NXPH1: variants seen among roughly 807,000 people sequenced by gnomAD.
NXPH1 encodes the protein neurexophilin 1.
NXPH1 carries 5 observed loss-of-function variants against 23.7 expected under a neutral mutation model. The ratio of observed to expected loss-of-function variants is 0.21; its 90% CI spans 0.11 to 0.44. The LOEUF (loss-of-function observed/expected upper bound fraction) is 0.44. NXPH1 is among the 20% of genes least tolerant of loss of function. The probability of loss-of-function intolerance (pLI) is 0.99; values close to 1 mark genes in which losing one functional copy is unlikely to be tolerated. For missense variants in NXPH1, 324 were observed against 321.6 expected (o/e 1.01, Z -0.06); for synonymous variants, 144 against 122.2 (o/e 1.18, Z -1.18).
intron 2 of NXPH1, among the ~76,000 whole-genome samples, chr7:8,665,406 G>A (rs1341609211): frequency 6.6e-6 from 1 of 151,834 alleles, no homozygotes; most frequent in African/African-American, 2.4e-5. Context: ...ATACCATGCT[G>A]TTTTAATATA....
chr7:8,435,111 T>C lies in NXPH1; in HGVS notation c.-111+356T>C. On this transcript the variant is annotated intron_variant, in intron 1 of 2. Coordinates refer to ENST00000405863, the MANE Select transcript of NXPH1 (RefSeq NM_152745.3). This position sits in a 1 kb window ranked among gnomAD's most constrained non-coding sequence, Gnocchi z 5.9. ...CCTAGCACCTAATCGCGGTCAGTTC[T>C]ACCTACCTCTTCCTCTCACCGCGCC... 6.3e-6 allele frequency: 1 copy of C among 158,652 alleles called. No individual in the cohort carries two copies. The highest frequency in any genetic ancestry group is 1.4e-5 in the Non-Finnish European group (1 of 72,344). 9.8% of individuals were successfully genotyped at this position (158,652 alleles called of 1,614,324 possible).
intron 2 of NXPH1, among the ~76,000 whole-genome samples, chr7:8,511,393 G>A (rs1817608976): frequency 6.6e-6 from 1 of 152,076 alleles, no homozygotes; most frequent in African/African-American, 2.4e-5. Flanking sequence ...GCCTATGAAT[G>A]TTGTCCCAGC....
chr7:8,436,498 C>CG (rs113486852), intron 2 of NXPH1, among the ~76,000 whole-genome samples: 30 of 152,234 alleles, frequency 2.0e-4, no homozygotes, highest in African/African-American at 6.5e-4. Context: ...CAGAGTTTTC[C>CG]GGGGGGCTGG....
chr7:8,614,053 T>C (rs1819678003), intron 2 of NXPH1, among the ~76,000 whole-genome samples: 1 of 151,928 alleles, frequency 6.6e-6, no homozygotes, highest in East Asian at 1.9e-4. Flanking sequence ...TTCTGATTTG[T>C]TTTACTTTAA....
chr7:8,578,773 A>G (rs1818805071), intron 2 of NXPH1, among the ~76,000 whole-genome samples: 1 of 152,216 alleles, frequency 6.6e-6, no homozygotes, highest in Admixed American at 6.5e-5. Flanking sequence ...GAAACATAAA[A>G]CAGGGGGAAG....
chr7:8,441,229 T>C (rs1037943608), intron 2 of NXPH1, among the ~76,000 whole-genome samples: 6 of 152,106 alleles, frequency 3.9e-5, no homozygotes, highest in African/African-American at 1.4e-4. Flanking sequence ...CAGCCGAGTC[T>C]CAAAGCGGGT....
chr7:8,665,243 A>G (rs1820741642), intron 2 of NXPH1, among the ~76,000 whole-genome samples: 1 of 152,076 alleles, frequency 6.6e-6, no homozygotes, highest in Non-Finnish European at 1.5e-5. Context: ...ACATCTGAAT[A>G]TCCAAATGTT....
At chr7:8,558,699 A>G (rs891468576) in intron 2 of NXPH1, among the ~76,000 whole-genome samples, 1 of 151,662 alleles carries the variant, frequency 6.6e-6, no homozygotes, top group Non-Finnish European at 1.5e-5. Flanking sequence ...CTGATATTTA[A>G]TAAGTTTCAT....
At chr7:8,503,119 G>A (rs187944636) in intron 2 of NXPH1, among the ~76,000 whole-genome samples, 11 of 152,144 alleles carry the variant, frequency 7.2e-5, no homozygotes, top group Admixed American at 2.6e-4. Flanking sequence ...GAAGGGCCCC[G>A]ATCTATTTGT....
intron 2 of NXPH1, among the ~76,000 whole-genome samples, chr7:8,500,319 G>C (rs1817410996): frequency 6.6e-6 from 1 of 152,030 alleles, no homozygotes; most frequent in Non-Finnish European, 1.5e-5. Context: ...TTTATGTTTG[G>C]TGTTTTAGGG....
chr7:8,578,938 C>T (rs1164109579), intron 2 of NXPH1, among the ~76,000 whole-genome samples: 1 of 152,148 alleles, frequency 6.6e-6, no homozygotes. Context: ...CAGGATACAA[C>T]ATGTGTTGTT....
At chr7:8,493,527 C>T (rs1817286739) in intron 2 of NXPH1, among the ~76,000 whole-genome samples, 1 of 152,010 alleles carries the variant, frequency 6.6e-6, no homozygotes, top group Non-Finnish European at 1.5e-5. Flanking sequence ...ACAGCTCAGG[C>T]TAATTTACCT....
At chr7:8,706,338 G>C (rs1029130351) in intron 2 of NXPH1, among the ~76,000 whole-genome samples, 2 of 152,196 alleles carry the variant, frequency 1.3e-5, no homozygotes, top group African/African-American at 2.4e-5. Context: ...AGCAGATTCA[G>C]AAGGCACAAG....
In NXPH1 at chr7:8,584,922, G is replaced by C. The variant is rs17151758; in HGVS notation, c.54+149155G>C. 3.6e-3 allele frequency among the ~76,000 whole-genome samples: 546 copies of C among 152,188 alleles called. 2 individuals are homozygous for C. Among genetic ancestry groups the C allele is most frequent in the African/African-American group, 0.013 (526 of 41,522 alleles). The stretch of plus-strand genomic sequence containing the variant: ...TTAGACTGCTTAGACTGACCACATA[G>C]GAATTGCTTTGGTAACCAGGACTAT... On this transcript the variant is annotated intron_variant, in intron 2 of 2. Transcript: ENST00000405863.
intron 2 of NXPH1, among the ~76,000 whole-genome samples, chr7:8,741,436 A>ATGGTAGTTCT (rs1055774115): frequency 2.6e-5 from 4 of 152,122 alleles, no homozygotes; most frequent in African/African-American, 7.2e-5. Flanking sequence ...GCTGGATCAA[A>ATGGTAGTTCT]TGGTAGTTCT....
At position 8,751,154 on chromosome 7, in the gene NXPH1, G is replaced by C; in HGVS notation, c.201G>C (p.Glu67Asp). 2 of 1,613,836 alleles carry C rather than the reference G, an allele frequency of 1.2e-6. No homozygotes were observed. Among genetic ancestry groups the C allele is most frequent in the African/African-American group, 1.3e-5 (1 of 75,046 alleles). The change falls in exon 3 of 3, where the codon GAG becomes GAC. Residue 67 changes from glutamate (E) to aspartate (D), a missense_variant. Glu to Asp is a conservative substitution (Grantham distance 45). Coordinates refer to ENST00000405863, the MANE Select transcript of NXPH1 (RefSeq NM_152745.3). The surrounding 1 kb of genome is among the most constrained non-coding windows in gnomAD (Gnocchi z 4.5). Reference protein sequence around the residue: ...RLLSQTFRGKENDTDLDLRYD... With the variant: ...RLLSQTFRGKDNDTDLDLRYD... ...TGTCACAGACTTTTCGTGGCAAAGA[G>C]AATGATACAGATTTGGACCTGAGAT...
chr7:8,599,514 G>A (rs1819306483), intron 2 of NXPH1, among the ~76,000 whole-genome samples: 1 of 152,074 alleles, frequency 6.6e-6, no homozygotes, highest in Non-Finnish European at 1.5e-5. Flanking sequence ...GATCTGGTAG[G>A]CACCTATGTC....
intron 2 of NXPH1, among the ~76,000 whole-genome samples, chr7:8,652,162 T>C (rs1820501035): frequency 6.6e-6 from 1 of 152,162 alleles, no homozygotes; most frequent in African/African-American, 2.4e-5. Context: ...CATGTAAACA[T>C]ATATTTGATG....
intron 2 of NXPH1, among the ~76,000 whole-genome samples, chr7:8,747,283 T>A (rs762315538): frequency 6.6e-6 from 1 of 152,192 alleles, no homozygotes; most frequent in South Asian, 2.1e-4. Flanking sequence ...ATAACATAAT[T>A]TAGAACTAAA....
Sources: allele counts gnomAD v4.1 joint callset (sites outside exome capture counted in the v4.1 genomes callset), GRCh38; gene constraint gnomAD v4.1.1; non-coding constraint Gnocchi (gnomAD v3.1); transcripts MANE v1.5; gene names NCBI Gene and HGNC (gene_info 2026-07-23, HGNC 2026-07-21).